CSDC2: variants seen among roughly 807,000 people sequenced by gnomAD.
The protein encoded by CSDC2 is cold shock domain containing C2.
A neutral mutation model predicts 15.8 loss-of-function variants in CSDC2; 8 were observed. That is an observed-to-expected ratio of 0.51 (90% CI 0.30 to 0.92). The LOEUF (loss-of-function observed/expected upper bound fraction) is 0.92. Ranked by LOEUF, CSDC2 falls within the 40% of genes least tolerant of loss-of-function variation. The pLI, the probability that CSDC2 is intolerant of heterozygous loss-of-function variation, is 0.07. For synonymous variants in CSDC2, 96 were observed against 92.3 expected (o/e 1.04, Z -0.23); for missense variants, 195 against 213.3 (o/e 0.91, Z 0.53).
intron 1 of CSDC2, among the ~76,000 whole-genome samples, chr22:41,565,269 G>T (rs909471650): frequency 6.6e-6 from 1 of 151,724 alleles, no homozygotes; most frequent in South Asian, 2.1e-4. Context: ...GGCCAACATG[G>T]TGAAACCCCA....
At position 41,573,703 on chromosome 22, in the gene CSDC2, G is replaced by C. The variant is rs2067159569; in HGVS notation, c.225G>C (p.Gln75His). Reference protein sequence around the residue: ...AGPVFKGVCKQFSRSQGHGFI... With the variant: ...AGPVFKGVCKHFSRSQGHGFI... ...CCGTGTTCAAGGGCGTCTGTAAGCAGTTCTCACGCTCACAGGGCCATGGCT... is the reference window on the plus strand; with the variant it reads ...CCGTGTTCAAGGGCGTCTGTAAGCACTTCTCACGCTCACAGGGCCATGGCT... The change falls in exon 3 of 4, where the codon CAG becomes CAC. Residue 75 changes from glutamine to histidine, a missense_variant. Coordinates refer to ENST00000306149, the MANE Select transcript of CSDC2 (RefSeq NM_014460.4). 6.2e-7 allele frequency: 1 copy of C among 1,613,760 alleles called. No homozygotes were observed. Among genetic ancestry groups the C allele is most frequent in the Admixed American group, 1.7e-5 (1 of 60,006 alleles).
Position 41,564,194 on chromosome 22 carries a change from G to A in CSDC2, c.-124+3011G>A, listed in dbSNP as rs191669566. 2.6e-5 allele frequency among the ~76,000 whole-genome samples: 4 copies of A among 152,154 alleles called. No individual in the cohort carries two copies. The East Asian group carries it at 7.7e-4, about 29-fold the overall frequency. ...AATGGGGCAAAGGGCTTGGCACATG[G>A]TCAGTATCAATAGATCACTAGATGG... On this transcript the variant is annotated intron_variant, in intron 1 of 3. Coordinates refer to ENST00000306149, the MANE Select transcript of CSDC2 (RefSeq NM_014460.4).
intron 3 of CSDC2, 40 bp downstream of exon 3, chr22:41,573,817 A>C (rs537787304): frequency 5.0e-6 from 8 of 1,593,226 alleles, no homozygotes; most frequent in Non-Finnish European, 6.9e-6. Flanking sequence ...CCCCTGCCCT[A>C]GTGTCCCCAA....
chr22:41,574,111 C>A (rs1601999376), intron 3 of CSDC2, among the ~76,000 whole-genome samples: 1 of 152,176 alleles, frequency 6.6e-6, no homozygotes, highest in Admixed American at 6.5e-5. Context: ...AGATGGATAT[C>A]ATGTCTAGGC....
chr22:41,568,131 T>C (rs1201402606), intron 1 of CSDC2, among the ~76,000 whole-genome samples: 1 of 65,608 alleles, frequency 1.5e-5, no homozygotes. Flanking sequence ...TCTCTCTCCC[T>C]CTCTTTTTTT....
intron 1 of CSDC2, among the ~76,000 whole-genome samples, chr22:41,563,837 T>C (rs979386099): frequency 8.0e-5 from 12 of 150,910 alleles, no homozygotes; most frequent in African/African-American, 2.7e-4. Flanking sequence ...TTTGGGAGGC[T>C]GAGGCGGGCG....
chr22:41,575,064 C>T lies in CSDC2; in HGVS notation c.*169C>T, dbSNP rs2067168200. 12 of 819,278 alleles carry T rather than the reference C, an allele frequency of 1.5e-5. No individual in the cohort carries two copies. The highest frequency in any genetic ancestry group is 2.7e-5 in the East Asian group (1 of 37,102). The allele number at this position is 819,278 out of a possible 1,614,324, so 50.8% of individuals were successfully genotyped here. A position where few individuals can be genotyped will look rare whatever the true frequency, so the allele number is the denominator to read the frequency against. On this transcript the variant is annotated 3_prime_UTR_variant, in exon 4 of 4. Transcript: ENST00000306149. ...GTGGCTATGAGCGTGTGCCTCCACC[C>T]ACCCCACGACCCGTGACTACTGTGC...
intron 1 of CSDC2, among the ~76,000 whole-genome samples, chr22:41,561,654 C>G (rs1330495046): frequency 6.6e-6 from 1 of 152,210 alleles, no homozygotes; most frequent in South Asian, 2.1e-4. Flanking sequence ...GGACCTGGAG[C>G]AGCTGTCTTA....
At chr22:41,564,730 T>C (rs184980838) in intron 1 of CSDC2, among the ~76,000 whole-genome samples, 1 of 152,312 alleles carries the variant, frequency 6.6e-6, no homozygotes, top group Non-Finnish European at 1.5e-5. Flanking sequence ...TCATTAGTCA[T>C]CTGGACCAAC....
chr22:41,567,237 G>C (rs139913520), intron 1 of CSDC2, among the ~76,000 whole-genome samples: 1 of 152,274 alleles, frequency 6.6e-6, no homozygotes, highest in East Asian at 1.9e-4. Context: ...GCTGAACCAG[G>C]AACAGAATTT....
At chr22:41,562,450 G>C (rs1009484284) in intron 1 of CSDC2, among the ~76,000 whole-genome samples, 9 of 150,698 alleles carry the variant, frequency 6.0e-5, no homozygotes, top group Admixed American at 6.0e-4. Flanking sequence ...CTGCCTGCCC[G>C]TGTCCTGGGA....
At position 41,574,950 on chromosome 22, in the gene CSDC2, C is replaced by T. The variant is rs1032681126; in HGVS notation, c.*55C>T. The T allele has an allele frequency of 4.1e-5, 63 of 1,532,992 alleles. No homozygotes were observed. The highest frequency in any genetic ancestry group is 3.2e-4 in the Admixed American group (16 of 50,402). 95.0% of individuals were successfully genotyped at this position (1,532,992 alleles called of 1,614,324 possible). On this transcript the variant is annotated 3_prime_UTR_variant, in exon 4 of 4. Transcript: ENST00000306149. ...GGGTTGGGGAGCCACACAGGGTGAA[C>T]GGGCAGCAGCCGGCTCCATGCCCCA...
intron 1 of CSDC2, among the ~76,000 whole-genome samples, chr22:41,566,746 T>C (rs1182213844): frequency 1.3e-5 from 2 of 148,732 alleles, no homozygotes; most frequent in Non-Finnish European, 3.0e-5. Flanking sequence ...GAGACCACAG[T>C]GAAACCCCGT....
chr22:41,574,713 C>G lies in CSDC2; in HGVS notation c.300-20C>G. ...CACAGGGCCTGCTGCTGGGCTAATA[C>G]CCCTCTTCCTGCCCGCCAGCATCGA... On this transcript the variant is annotated intron_variant, in intron 3 of 3. Transcript: ENST00000306149. The G allele has an allele frequency of 6.2e-7, 1 of 1,612,068 alleles. No individual in the cohort carries two copies. Among genetic ancestry groups the G allele is most frequent in the Non-Finnish European group, 8.5e-7 (1 of 1,179,394 alleles).
intron 1 of CSDC2, among the ~76,000 whole-genome samples, chr22:41,571,404 G>A (rs984132029): frequency 1.3e-5 from 2 of 152,184 alleles, no homozygotes; most frequent in Non-Finnish European, 2.9e-5. Context: ...GCCAGAAGGT[G>A]GAGGATGCAG....
intron 1 of CSDC2, among the ~76,000 whole-genome samples, chr22:41,567,926 G>A (rs1243395921): frequency 2.0e-5 from 3 of 152,156 alleles, no homozygotes; most frequent in African/African-American, 7.2e-5. Flanking sequence ...GGATGAAAGT[G>A]AATGGTGGGC....
At chr22:41,565,343 A>C (rs888943476) in intron 1 of CSDC2, among the ~76,000 whole-genome samples, 2 of 143,398 alleles carry the variant, frequency 1.4e-5, no homozygotes, top group Non-Finnish European at 3.0e-5. Flanking sequence ...CCAGCTACTC[A>C]GGAGGCTAAG....
At chr22:41,569,616 C>A (rs1012660949) in intron 1 of CSDC2, among the ~76,000 whole-genome samples, 3 of 152,192 alleles carry the variant, frequency 2.0e-5, no homozygotes, top group African/African-American at 7.2e-5. Context: ...TTCTTCTTTT[C>A]TTTTTCTTAT....
intron 1 of CSDC2, among the ~76,000 whole-genome samples, chr22:41,567,295 C>G (rs949941839): frequency 3.9e-5 from 6 of 152,214 alleles, no homozygotes; most frequent in Non-Finnish European, 7.3e-5. Flanking sequence ...ATCTGGGACT[C>G]TGTCACCTGC....
Sources: allele counts gnomAD v4.1 joint callset (sites outside exome capture counted in the v4.1 genomes callset), GRCh38; gene constraint gnomAD v4.1.1; transcripts MANE v1.5; gene names NCBI Gene and HGNC (gene_info 2026-07-23, HGNC 2026-07-21).